The following C1QTNF6 variants were observed in gnomAD, a reference collection of about 807,000 sequenced individuals.
C1QTNF6 encodes complement C1q tumor necrosis factor-related protein 6.
Under a neutral mutation model 20.7 loss-of-function variants are expected in C1QTNF6, and 17 were observed. The observed-to-expected ratio is 0.82, with a 90% CI of 0.56 to 1.23. C1QTNF6 has a LOEUF of 1.23. Ranked by LOEUF, C1QTNF6 falls within the 50% of genes most tolerant of loss-of-function variation. The probability of loss-of-function intolerance (pLI) is 0.00; values close to 1 mark genes in which losing one functional copy is unlikely to be tolerated. For synonymous variants in C1QTNF6, 130 were observed against 156.3 expected, an observed-to-expected ratio of 0.83 and a Z score of 1.25; for missense variants, 329 against 389.7, an observed-to-expected ratio of 0.84 and a Z score of 1.31.
chr22:37,194,042 G>A (rs923383516), intron 2 of C1QTNF6, among the ~76,000 whole-genome samples: 1 of 152,148 alleles, frequency 6.6e-6, no homozygotes, highest in Non-Finnish European at 1.5e-5. Context: ...AATTTTTAGG[G>A]CTATCACATG....
chr22:37,182,170 A>G lies in C1QTNF6; in HGVS notation c.*18T>C. The G allele has an allele frequency of 1.3e-6, 2 of 1,594,846 alleles. No homozygotes were observed. Among genetic ancestry groups the G allele is most frequent in the Non-Finnish European group, 1.7e-6 (2 of 1,168,914 alleles). The stretch of plus-strand genomic sequence containing the variant: ...CCAGCACCTGAGCTCTCCAGCCGGG[A>G]GGGTGGCCCAGAGGCCCTCAGTCGT... On this transcript the variant is annotated 3_prime_UTR_variant, in exon 3 of 3. Coordinates refer to ENST00000337843, the MANE Select transcript of C1QTNF6 (RefSeq NM_031910.4).
Position 37,185,225 on chromosome 22 carries a change from G to T in C1QTNF6, c.282C>A (p.Ile94=). The stretch of plus-strand genomic sequence containing the variant: ...CCACAGGAGGGCACTCACCCTTCAG[G>T]ATGGTGATATTAATGTAGGGTCTGA... ...PEIRPYINIT[I]LKGDKGDPGP... The change falls in exon 2 of 3, where the codon ATC becomes ATA. Residue 94 remains isoleucine, a synonymous_variant. Transcript: ENST00000337843. The T allele has an allele frequency of 6.4e-7, 1 of 1,562,632 alleles. No individual in the cohort carries two copies. The highest frequency in any genetic ancestry group is 8.7e-7 in the Non-Finnish European group (1 of 1,150,096).
At chr22:37,186,447 G>A (rs1445845997) in intron 1 of C1QTNF6, among the ~76,000 whole-genome samples, 2 of 152,208 alleles carry the variant, frequency 1.3e-5, no homozygotes, top group African/African-American at 2.4e-5. Context: ...GTCAATCATC[G>A]TAGACCTGCC....
intron 1 of C1QTNF6, 62 bp downstream of exon 1, chr22:37,188,101 G>A (rs1924536774): frequency 6.5e-7 from 1 of 1,535,786 alleles, no homozygotes; most frequent in East Asian, 2.4e-5. Flanking sequence ...AGCAAGGAGG[G>A]AGGAGAGGAA....
chr22:37,186,177 C>A, intron 1 of C1QTNF6: 1 of 976,214 alleles, frequency 1.0e-6, no homozygotes, highest in African/African-American at 1.8e-5. Context: ...AATACTGGGT[C>A]CTTGACTGCA....
At chr22:37,183,905 A>G (rs1487349642) in intron 2 of C1QTNF6, among the ~76,000 whole-genome samples, 4 of 152,184 alleles carry the variant, frequency 2.6e-5, no homozygotes. Flanking sequence ...GGGAGAGACC[A>G]GCCTGACTCA....
At chr22:37,191,477 T>C (rs1055504002), upstream of C1QTNF6, among the ~76,000 whole-genome samples, 5 of 152,262 alleles carry the variant, frequency 3.3e-5, no homozygotes, top group South Asian at 8.3e-4. Flanking sequence ...TTTTGGACTT[T>C]AGGGGACCTA....
intron 2 of C1QTNF6, among the ~76,000 whole-genome samples, chr22:37,193,458 A>G (rs985117109): frequency 1.3e-5 from 2 of 152,192 alleles, no homozygotes; most frequent in Admixed American, 6.5e-5. Flanking sequence ...CAAAATGGGG[A>G]AAAAAATTAA....
At chr22:37,198,655 C>T (rs1486891982), upstream of C1QTNF6, among the ~76,000 whole-genome samples, 1 of 152,176 alleles carries the variant, frequency 6.6e-6, no homozygotes, top group African/African-American at 2.4e-5. Context: ...GCAGAGCCCC[C>T]GCGCCCGGGA....
intron 2 of C1QTNF6, among the ~76,000 whole-genome samples, chr22:37,193,478 A>G (rs5750395): frequency 0.21 from 32,082 of 152,152 alleles, 3,496 homozygotes; most frequent in Non-Finnish European, 0.23. Flanking sequence ...AGTCGACTGA[A>G]AAGAAAAAAT....
upstream of C1QTNF6, among the ~76,000 whole-genome samples, chr22:37,192,797 C>G (rs903302869): frequency 5.9e-5 from 9 of 152,180 alleles, no homozygotes; most frequent in African/African-American, 2.2e-4. Context: ...AATACACAGA[C>G]AGAAGATCCA....
At position 37,181,589 on chromosome 22, in the gene C1QTNF6, G is replaced by A. The variant is rs745574352; in HGVS notation, c.*599C>T. ...TGTAATCCCAGCCACTAGGGAGGCT[G>A]AGGCAGAAGAATCGCTTGAACCCGG... On this transcript the variant is annotated 3_prime_UTR_variant, in exon 3 of 3. Transcript: ENST00000337843. 45 of 152,416 alleles carry A rather than the reference G, an allele frequency of 3.0e-4. No individual in the cohort carries two copies. The highest frequency in any genetic ancestry group is 5.1e-4 in the Non-Finnish European group (35 of 68,222). The allele number at this position is 152,416 out of a possible 1,614,324, so 9.4% of individuals were successfully genotyped here. A position where few individuals can be genotyped will look rare whatever the true frequency, so the allele number is the denominator to read the frequency against.
chr22:37,198,496 T>A (rs904957441), upstream of C1QTNF6, among the ~76,000 whole-genome samples: 1 of 152,124 alleles, frequency 6.6e-6, no homozygotes, highest in Non-Finnish European at 1.5e-5. Flanking sequence ...ATTTAAAAAA[T>A]AAAATGTGTG....
In C1QTNF6 at chr22:37,180,750, CG is replaced by C. The variant is rs1569060666; in HGVS notation, c.*1437del. Reference sequence around the variant, plus strand: ...AGGGCAGCTGGAGGCCCTGGGGAAACGGAAGTTCAGATGACTTTGGTGGAAG... The same window carrying C: ...AGGGCAGCTGGAGGCCCTGGGGAAACGAAGTTCAGATGACTTTGGTGGAAG... On this transcript the variant is annotated 3_prime_UTR_variant, in exon 3 of 3. Coordinates refer to ENST00000337843, the MANE Select transcript of C1QTNF6 (RefSeq NM_031910.4). 2 of 153,252 alleles carry C rather than the reference CG, an allele frequency of 1.3e-5. No homozygotes were observed. The highest frequency in any genetic ancestry group is 4.8e-5 in the African/African-American group (2 of 41,434). The allele number at this position is 153,252 out of a possible 1,614,324, so 9.5% of individuals were successfully genotyped here.
rs1924293279 is a variant in C1QTNF6 at position 37,185,941 on chromosome 22, T to C, written c.52-486A>G. 1.1e-5 allele frequency: 11 copies of C among 985,912 alleles called. No individual in the cohort carries two copies. The South Asian group carries it at 4.7e-4, about 42-fold the overall frequency. 61.1% of individuals were successfully genotyped at this position (985,912 alleles called of 1,614,324 possible). On this transcript the variant is annotated intron_variant, in intron 1 of 2. Coordinates refer to ENST00000337843, the MANE Select transcript of C1QTNF6 (RefSeq NM_031910.4). ...ACACATGCCCTCCGGGCAGGAGGAC[T>C]GAGGTTAGTGAACACTGGGGACAAA...
At chr22:37,194,458 T>C (rs1925018784) in intron 2 of C1QTNF6, among the ~76,000 whole-genome samples, 1 of 152,234 alleles carries the variant, frequency 6.6e-6, no homozygotes, top group African/African-American at 2.4e-5. Context: ...GCCAGAAGCC[T>C]GACTGGTAAG....
intron 2 of C1QTNF6, among the ~76,000 whole-genome samples, chr22:37,183,645 G>C (rs956747657): frequency 3.9e-5 from 6 of 152,370 alleles, no homozygotes; most frequent in African/African-American, 7.2e-5. Context: ...TTTCCACAGG[G>C]GGGGAAGGGG....
Position 37,182,680 on chromosome 22 carries a change from A to C in C1QTNF6, c.345T>G (p.Gly115=). The C allele has an allele frequency of 6.2e-7, 1 of 1,612,146 alleles. No homozygotes were observed. The highest frequency in any genetic ancestry group is 8.5e-7 in the Non-Finnish European group (1 of 1,179,756). ...MGLPGYMGRE[G]PQGEPGPQGS... ...CCTGAGGGCCAGGCTCCCCTTGGGG[A>C]CCCTCCCTGCCCATGTACCCTGGCA... is the stretch of plus-strand genomic sequence containing the variant. Residue 115 remains glycine (G), a synonymous_variant, in exon 3 of 3, where the codon GGT becomes GGG. Coordinates refer to ENST00000337843, the MANE Select transcript of C1QTNF6 (RefSeq NM_031910.4).
intron 1 of C1QTNF6, chr22:37,185,803 G>T (rs1924274235): frequency 2.0e-6 from 2 of 1,011,228 alleles, no homozygotes. Flanking sequence ...TGGGGCAGGT[G>T]AGAAGATGCC....
Sources: gnomAD v4.1 joint callset for allele counts (sites outside exome capture counted in the v4.1 genomes callset) on GRCh38, gnomAD v4.1.1 for gene constraint, MANE v1.5 for transcripts, NCBI Gene and HGNC (gene_info 2026-07-23, HGNC 2026-07-21) for gene names.